The following ANKRD11 variants were observed in gnomAD, a reference collection of about 807,000 sequenced individuals.
ANKRD11 encodes ankyrin repeat domain-containing protein 11.
Under a neutral mutation model 195.7 loss-of-function variants are expected in ANKRD11, and 17 were observed. That is an observed-to-expected ratio of 0.09 (90% confidence interval 0.06 to 0.13). ANKRD11 has a LOEUF of 0.13. Ranked by LOEUF, ANKRD11 falls within the 10% of genes least tolerant of loss-of-function variation. The probability of loss-of-function intolerance (pLI) is 1.00; values close to 1 mark genes in which losing one functional copy is unlikely to be tolerated. For synonymous variants in ANKRD11, 1,953 were observed against 1,528.1 expected, an observed-to-expected ratio of 1.28 and a Z score of -6.49; for missense variants, 3,735 against 3,566.1, an observed-to-expected ratio of 1.05 and a Z score of -1.21.
intron 1 of ANKRD11, among the ~76,000 whole-genome samples, chr16:89,464,156 T>C (rs1207177590): frequency 6.6e-6 from 1 of 151,960 alleles, no homozygotes; most frequent in Admixed American, 6.6e-5. Context: ...CGAGAATCAC[T>C]TGAACCTGGG....
chr16:89,335,923 G>A (rs2038328641), intron 2 of ANKRD11, among the ~76,000 whole-genome samples: 1 of 152,224 alleles, frequency 6.6e-6, no homozygotes, highest in African/African-American at 2.4e-5. Flanking sequence ...ACCCCTGCCT[G>A]TGCTGAGGCA....
rs766455571 is a variant in ANKRD11 at position 89,283,440 on chromosome 16, G to A, written c.3102C>T (p.Asp1034=). 8 of 1,613,892 alleles carry A rather than the reference G, an allele frequency of 5.0e-6. No individual in the cohort carries two copies. Among genetic ancestry groups the A allele is most frequent in the Non-Finnish European group, 6.8e-6 (8 of 1,180,022 alleles). ...GGATTGATTTCTCACTTTTGTCCTT[G>A]TCACTGGATTTCTCTTTGTATCTTT... ...KPERYKEKSS[D]KDKSEKSILE... The change falls in exon 9 of 13, where the codon GAC becomes GAT. Residue 1034 remains aspartate (D), a synonymous_variant. Transcript: ENST00000301030. The surrounding 1 kb of genome is among the most constrained non-coding windows in gnomAD (Gnocchi z 4.3).
At chr16:89,373,705 G>A (rs1037739975) in intron 2 of ANKRD11, among the ~76,000 whole-genome samples, 6 of 152,158 alleles carry the variant, frequency 3.9e-5, no homozygotes, top group African/African-American at 1.4e-4. Flanking sequence ...CTGCAGAAAC[G>A]CTGCAGACAC....
At position 89,291,568 on chromosome 16, in the gene ANKRD11, G is replaced by T; in HGVS notation, c.227-385C>A. On this transcript the variant is annotated intron_variant, in intron 4 of 12. Transcript: ENST00000301030. This position sits in a 1 kb window ranked among gnomAD's most constrained non-coding sequence, Gnocchi z 5.3. Reference sequence around the variant, plus strand: ...GGACAGGTCTCTGTTCAATACACGTGTCTGTAATTCAATTCCACCTTCCCC... The same window carrying T: ...GGACAGGTCTCTGTTCAATACACGTTTCTGTAATTCAATTCCACCTTCCCC... 1.2e-6 allele frequency: 1 copy of T among 828,568 alleles called. No individual in the cohort carries two copies. Among genetic ancestry groups the T allele is most frequent in the Non-Finnish European group, 1.8e-6 (1 of 561,576 alleles). 51.3% of individuals were successfully genotyped at this position (828,568 alleles called of 1,614,324 possible). A position where few individuals can be genotyped will look rare whatever the true frequency, so the allele number is the denominator to read the frequency against.
intron 2 of ANKRD11, among the ~76,000 whole-genome samples, chr16:89,358,516 T>C (rs1268180565): frequency 6.6e-6 from 1 of 152,252 alleles, no homozygotes; most frequent in Non-Finnish European, 1.5e-5. Flanking sequence ...CCGTTTTCCA[T>C]GATATCATCA....
At chr16:89,416,022 C>T (rs1318390913) in intron 2 of ANKRD11, among the ~76,000 whole-genome samples, 2 of 151,720 alleles carry the variant, frequency 1.3e-5, no homozygotes, top group South Asian at 4.2e-4. Context: ...GGGCCTTCCT[C>T]GTATTCAATC....
intron 1 of ANKRD11, among the ~76,000 whole-genome samples, chr16:89,463,946 C>T (rs924932962): frequency 6.6e-6 from 1 of 152,094 alleles, no homozygotes; most frequent in African/African-American, 2.4e-5. Flanking sequence ...ACTATTAGAC[C>T]ACAACGCTAA....
At chr16:89,371,153 G>T (rs572323380) in intron 2 of ANKRD11, among the ~76,000 whole-genome samples, 1 of 152,164 alleles carries the variant, frequency 6.6e-6, no homozygotes, top group Non-Finnish European at 1.5e-5. Flanking sequence ...CAGGGTGCAC[G>T]TAAGTGGCTG....
chr16:89,477,257 A>G (rs562405879), intron 1 of ANKRD11, among the ~76,000 whole-genome samples: 1 of 149,258 alleles, frequency 6.7e-6, no homozygotes, highest in South Asian at 2.1e-4. Context: ...CAGTGGCGCC[A>G]TCTCGGCTCA....
At chr16:89,457,145 G>A (rs1198028741) in intron 1 of ANKRD11, among the ~76,000 whole-genome samples, 3 of 150,384 alleles carry the variant, frequency 2.0e-5, no homozygotes, top group African/African-American at 7.3e-5. Context: ...ATTTTTAGTA[G>A]AGACGGGGTT....
intron 7 of ANKRD11, chr16:89,287,924 T>C: frequency 2.4e-6 from 1 of 411,102 alleles, no homozygotes; most frequent in Non-Finnish European, 4.3e-6. Flanking sequence ...CCAGGGGCTC[T>C]CCACGGAGCT....
intron 4 of ANKRD11, among the ~76,000 whole-genome samples, chr16:89,295,411 C>G (rs1312669340): frequency 6.6e-6 from 1 of 152,190 alleles, no homozygotes; most frequent in Non-Finnish European, 1.5e-5. Context: ...GGCCTTTCTT[C>G]AAACCACATC....
At chr16:89,479,777 A>T (rs372195612) in intron 1 of ANKRD11, among the ~76,000 whole-genome samples, 26 of 151,950 alleles carry the variant, frequency 1.7e-4, no homozygotes, top group African/African-American at 5.8e-4. Context: ...CCCCATCTCC[A>T]CTAAAAATAC....
At chr16:89,408,403 C>A (rs1344105436) in intron 2 of ANKRD11, among the ~76,000 whole-genome samples, 1 of 152,228 alleles carries the variant, frequency 6.6e-6, no homozygotes, top group East Asian at 1.9e-4. Flanking sequence ...GTTGCCTGGG[C>A]AGAGGAGGAA....
At chr16:89,484,365 A>G (rs1364182797) in intron 1 of ANKRD11, among the ~76,000 whole-genome samples, 1 of 152,242 alleles carries the variant, frequency 6.6e-6, no homozygotes, top group African/African-American at 2.4e-5. Flanking sequence ...TAAACAGTAC[A>G]GCCATAATGA....
At chr16:89,296,956 G>A (rs1017695383) in intron 4 of ANKRD11, among the ~76,000 whole-genome samples, 1 of 152,188 alleles carries the variant, frequency 6.6e-6, no homozygotes, top group African/African-American at 2.4e-5. Context: ...TTAGCTGGGG[G>A]GACAGTGTCT....
At chr16:89,421,750 G>A (rs1477353665) in intron 1 of ANKRD11, among the ~76,000 whole-genome samples, 5 of 147,010 alleles carry the variant, frequency 3.4e-5, no homozygotes, top group Non-Finnish European at 6.0e-5. Flanking sequence ...GTGTGATGAC[G>A]GAGTCAGGGA....
chr16:89,348,292 T>C (rs1038749182), intron 2 of ANKRD11, among the ~76,000 whole-genome samples: 2 of 152,236 alleles, frequency 1.3e-5, no homozygotes, highest in African/African-American at 2.4e-5. Flanking sequence ...ATTTTCCTTA[T>C]GTCAATATGG....
At chr16:89,351,643 C>T (rs1278994525) in intron 2 of ANKRD11, among the ~76,000 whole-genome samples, 14 of 152,196 alleles carry the variant, frequency 9.2e-5, no homozygotes, top group Non-Finnish European at 1.9e-4. Context: ...GACATAGGCC[C>T]TGTGACCTGG....
Sources: gnomAD v4.1 joint callset for allele counts (sites outside exome capture counted in the v4.1 genomes callset) on GRCh38, gnomAD v4.1.1 for gene constraint, Gnocchi (gnomAD v3.1) non-coding constraint, MANE v1.5 for transcripts, NCBI Gene and HGNC (gene_info 2026-07-23, HGNC 2026-07-21) for gene names.